Variants in KCNH8 observed in about 807,000 individuals in gnomAD.
The protein encoded by KCNH8 is potassium voltage-gated channel subfamily H member 8.
Under a neutral mutation model 103.6 loss-of-function variants are expected in KCNH8, and 70 were observed. The ratio of observed to expected loss-of-function variants is 0.68; its 90% confidence interval spans 0.56 to 0.82. KCNH8 has a LOEUF of 0.82. KCNH8 is among the 40% of genes least tolerant of loss of function. The pLI, the probability that KCNH8 is intolerant of heterozygous loss-of-function variation, is 0.00. For synonymous variants in KCNH8, 498 were observed against 489.4 expected (o/e 1.02, Z -0.23); for missense variants, 1,217 against 1,329.9 (o/e 0.92, Z 1.32).
intron 11 of KCNH8, among the ~76,000 whole-genome samples, chr3:19,480,392 C>T (rs2068063847): frequency 6.6e-6 from 1 of 152,148 alleles, no homozygotes. Context: ...ACTATAGTAT[C>T]TTCTGTCAGG....
At chr3:19,278,786 A>G (rs77565591) in intron 2 of KCNH8, among the ~76,000 whole-genome samples, 9,955 of 152,180 alleles carry the variant, frequency 0.065, 1,113 homozygotes, top group African/African-American at 0.22. Context: ...ACAAATCTCA[A>G]AGTAAACTTT....
intron 11 of KCNH8, among the ~76,000 whole-genome samples, chr3:19,500,153 AAC>A: frequency 6.6e-6 from 1 of 152,318 alleles, no homozygotes; most frequent in Middle Eastern, 3.4e-3. Flanking sequence ...TCTCTGATAA[AAC>A]AGACTTTAAA....
intron 3 of KCNH8, among the ~76,000 whole-genome samples, chr3:19,321,729 C>A (rs983881864): frequency 8.6e-5 from 13 of 151,594 alleles, no homozygotes; most frequent in African/African-American, 2.9e-4. Flanking sequence ...TCCATGGTTT[C>A]TTTGTTGACT....
intron 15 of KCNH8, among the ~76,000 whole-genome samples, chr3:19,532,604 T>G (rs765261043): frequency 2.6e-5 from 4 of 152,198 alleles, no homozygotes; most frequent in Non-Finnish European, 5.9e-5. Flanking sequence ...GTGTGCTGAG[T>G]GCTTTACATG....
chr3:19,281,164 G>T, intron 2 of KCNH8, 34 bp from the exon 3 acceptor site: 1 of 1,599,250 alleles, frequency 6.3e-7, no homozygotes, highest in South Asian at 1.1e-5. Context: ...CAAGGCAATG[G>T]TTGATTTGTA....
chr3:19,155,868 C>G (rs79743471), intron 1 of KCNH8, among the ~76,000 whole-genome samples: 2 of 152,146 alleles, frequency 1.3e-5, no homozygotes, highest in Admixed American at 1.3e-4. Flanking sequence ...TTTTAACACT[C>G]GACCATGAAC....
At chr3:19,491,054 G>A (rs1373749852) in intron 11 of KCNH8, among the ~76,000 whole-genome samples, 2 of 152,108 alleles carry the variant, frequency 1.3e-5, no homozygotes, top group Non-Finnish European at 2.9e-5. Flanking sequence ...AATAAATATA[G>A]TGCTCTTTTT....
At chr3:19,236,860 T>C (rs2064073110) in intron 1 of KCNH8, among the ~76,000 whole-genome samples, 1 of 152,238 alleles carries the variant, frequency 6.6e-6, no homozygotes, top group Admixed American at 6.5e-5. Flanking sequence ...ATACATATAT[T>C]ATGCTAAAAT....
intron 11 of KCNH8, among the ~76,000 whole-genome samples, chr3:19,472,316 C>G (rs1413016276): frequency 1.3e-5 from 2 of 150,940 alleles, no homozygotes; most frequent in Non-Finnish European, 2.9e-5. Context: ...AAAGCTTTTT[C>G]TTTGGTGATA....
chr3:19,372,658 A>G (rs1469171903), intron 5 of KCNH8, among the ~76,000 whole-genome samples: 1 of 152,064 alleles, frequency 6.6e-6, no homozygotes, highest in East Asian at 1.9e-4. Context: ...GTTGAATAGG[A>G]GTGGTGAGAG....
chr3:19,327,678 C>T (rs936451130), intron 3 of KCNH8, among the ~76,000 whole-genome samples: 1 of 152,176 alleles, frequency 6.6e-6, no homozygotes, highest in Non-Finnish European at 1.5e-5. Context: ...CACGTCTCTC[C>T]TGACAATTTC....
At chr3:19,251,350 A>G (rs148592539) in intron 1 of KCNH8, among the ~76,000 whole-genome samples, 44 of 152,256 alleles carry the variant, frequency 2.9e-4, no homozygotes, top group African/African-American at 9.6e-4. Flanking sequence ...AAAACAATGT[A>G]TAATTGGAGT....
intron 1 of KCNH8, among the ~76,000 whole-genome samples, chr3:19,251,388 T>G (rs745369782): frequency 1.3e-5 from 2 of 151,958 alleles, no homozygotes; most frequent in African/African-American, 2.4e-5. Context: ...TAGCTCATGC[T>G]TTCAGAGGGG....
At chr3:19,438,100 C>G (rs2067227690) in intron 7 of KCNH8, 64 bp from the exon 8 acceptor site, 1 of 1,242,608 alleles carries the variant, frequency 8.0e-7, no homozygotes, top group Non-Finnish European at 1.2e-6. Context: ...TATCATTACT[C>G]CCATGTGTTA....
intron 2 of KCNH8, among the ~76,000 whole-genome samples, chr3:19,278,224 G>C (rs1183907291): frequency 6.6e-6 from 1 of 152,066 alleles, no homozygotes; most frequent in Non-Finnish European, 1.5e-5. Flanking sequence ...AAAGAGTCTT[G>C]CATTGAACAT....
intron 11 of KCNH8, among the ~76,000 whole-genome samples, chr3:19,476,706 T>C (rs954512163): frequency 2.0e-5 from 3 of 152,118 alleles, no homozygotes; most frequent in African/African-American, 7.2e-5. Flanking sequence ...TGCTGAGAGA[T>C]TTGTAGTCAG....
At chr3:19,312,216 G>A (rs1489591873) in intron 3 of KCNH8, among the ~76,000 whole-genome samples, 2 of 151,906 alleles carry the variant, frequency 1.3e-5, no homozygotes, top group Non-Finnish European at 2.9e-5. Flanking sequence ...ATGCAAATGT[G>A]TATGGGCCAA....
intron 3 of KCNH8, among the ~76,000 whole-genome samples, chr3:19,327,302 T>C (rs1054016495): frequency 7.2e-5 from 11 of 152,194 alleles, no homozygotes; most frequent in Non-Finnish European, 1.5e-4. Flanking sequence ...ACTTAGTTAC[T>C]TAGTTTTGAG....
rs536434822 is a variant in KCNH8, at chr3:19,472,515, C to T, written c.2040+15533C>T. Among the ~76,000 whole-genome samples the T allele has an allele frequency of 6.6e-5, 10 of 152,232 alleles. No homozygotes were observed. The East Asian group carries it at 1.7e-3, about 26-fold the overall frequency. On this transcript the variant is annotated intron_variant, in intron 11 of 15. Coordinates refer to ENST00000328405, the MANE Select transcript of KCNH8 (RefSeq NM_144633.3). Reference sequence around the variant, plus strand: ...GAGTTTCCTGCACAAGCTCTTTTTACCTGCTGCCATCCATGTAAGATGTGA... The same window carrying T: ...GAGTTTCCTGCACAAGCTCTTTTTATCTGCTGCCATCCATGTAAGATGTGA...
Sources: gnomAD v4.1 joint callset for allele counts (sites outside exome capture counted in the v4.1 genomes callset) on GRCh38, gnomAD v4.1.1 for gene constraint, MANE v1.5 for transcripts, NCBI Gene and HGNC (gene_info 2026-07-23, HGNC 2026-07-21) for gene names.